GTPBP6: variants seen among roughly 807,000 people sequenced by gnomAD.
GTPBP6 encodes putative GTP-binding protein 6.
In GTPBP6, 33 loss-of-function variants were observed where a neutral mutation model predicts 28.9. The ratio of observed to expected loss-of-function variants is 1.14; its 90% CI spans 0.87 to 1.53. GTPBP6 has a LOEUF of 1.53. Among genes scored for constraint, GTPBP6 ranks in the 40% most tolerant of loss-of-function variants. The probability of loss-of-function intolerance (pLI) is 0.00; values close to 1 mark genes in which losing one functional copy is unlikely to be tolerated. For synonymous variants in GTPBP6, 231 were observed against 192.7 expected, an observed-to-expected ratio of 1.20 and a Z score of -1.65; for missense variants, 507 against 408.3, an observed-to-expected ratio of 1.24 and a Z score of -2.08.
intron 3 of GTPBP6, 50 bp downstream of exon 3, chrX:315,179 T>C (rs1332455128): frequency 4.1e-4 from 26 of 63,520 alleles, no homozygotes; most frequent in Middle Eastern, 3.9e-3. Flanking sequence ...GTCCCCTCCT[T>C]CATCGCGTGG....
chrX:318,275 C>G (rs1433847779), intron 1 of GTPBP6, among the ~76,000 whole-genome samples, 164 bp downstream of exon 1: 2 of 150,562 alleles, frequency 1.3e-5, no homozygotes, highest in African/African-American at 4.9e-5. Context: ...TGCGCCTCCA[C>G]CTATGAGATT....
At chrX:313,391 G>A (rs938902555) in intron 5 of GTPBP6, among the ~76,000 whole-genome samples, 13 of 152,176 alleles carry the variant, frequency 8.5e-5, no homozygotes, top group African/African-American at 1.9e-4. Context: ...AGCAGAGACC[G>A]GAGTGACGAG....
chrX:309,535 A>G (rs1279948625), intron 7 of GTPBP6, among the ~76,000 whole-genome samples: 3 of 152,178 alleles, frequency 2.0e-5, no homozygotes, highest in Non-Finnish European at 4.4e-5. Flanking sequence ...GTTTTTGCAG[A>G]TGTAGTTAAG....
At chrX:315,240 C>T (rs1443447396) in exon 3 of GTPBP6, 11 of 398,512 alleles carry the variant, frequency 2.8e-5, no homozygotes, top group African/African-American at 4.1e-5. Context: ...TTGGTCGGGG[C>T]AGCCATCCTC....
In GTPBP6 at chrX:311,276, T is replaced by C. The variant is rs866521235; in HGVS notation, c.1125+143A>G. 3,332 of 294,594 alleles carry C rather than the reference T, an allele frequency of 0.011. 285 individuals are homozygous for C. The African/African-American group carries it at 0.12, about 11-fold the overall frequency. 18.2% of individuals were successfully genotyped at this position (294,594 alleles called of 1,614,324 possible). A position where few individuals can be genotyped will look rare whatever the true frequency, so the allele number is the denominator to read the frequency against. Reference sequence around the variant, plus strand: ...AGTGGGTGTCCGAGGGCCTGGCCCCTGGGCTGAGTGGGTGTCCGAGGGCCC... The same window carrying C: ...AGTGGGTGTCCGAGGGCCTGGCCCCCGGGCTGAGTGGGTGTCCGAGGGCCC... On this transcript the variant is annotated intron_variant, in intron 7 of 9. Coordinates refer to ENST00000326153, the Ensembl canonical transcript of GTPBP6.
intron 7 of GTPBP6, among the ~76,000 whole-genome samples, chrX:309,683 A>G (rs967485655): frequency 6.6e-6 from 1 of 151,168 alleles, no homozygotes; most frequent in Non-Finnish European, 1.5e-5. Context: ...GGACGCCTGG[A>G]GCCCCCAGGA....
chrX:313,880 CCA>C (rs2070367284), intron 5 of GTPBP6, among the ~76,000 whole-genome samples: 1 of 151,880 alleles, frequency 6.6e-6, no homozygotes, highest in Non-Finnish European at 1.5e-5. Context: ...GTTTAAATCC[CCA>C]GTTTGTGGCT....
intron 7 of GTPBP6, among the ~76,000 whole-genome samples, chrX:309,451 C>G (rs773143825): frequency 2.4e-4 from 35 of 147,940 alleles, no homozygotes; most frequent in African/African-American, 8.4e-4. Flanking sequence ...CAACGACCGA[C>G]CGGTATGTTT....
intron 2 of GTPBP6, among the ~76,000 whole-genome samples, chrX:315,572 ACACACAC>A (rs2070416306): frequency 6.6e-6 from 1 of 150,550 alleles, no homozygotes; most frequent in African/African-American, 2.4e-5. Flanking sequence ...ACACACACAC[ACACACAC>A]ACACACAGTA....
At chrX:307,191 T>C (rs1382168735) in intron 9 of GTPBP6, among the ~76,000 whole-genome samples, 169 bp downstream of exon 9, 2 of 144,642 alleles carry the variant, frequency 1.4e-5, no homozygotes, top group Non-Finnish European at 2.9e-5. Flanking sequence ...GCACCTCTTG[T>C]ATGCACAGTC....
intron 4 of GTPBP6, among the ~76,000 whole-genome samples, chrX:314,574 G>A (rs1006670143): frequency 1.1e-4 from 17 of 151,894 alleles, no homozygotes; most frequent in Non-Finnish European, 1.8e-4. Flanking sequence ...TGGGGTTCAC[G>A]CCATTCTCCT....
intron 9 of GTPBP6, 100 bp from the exon 10 acceptor site, chrX:305,297 A>T: frequency 2.2e-6 from 2 of 903,836 alleles, no homozygotes; most frequent in Non-Finnish European, 3.6e-6. Context: ...AGCTCAAACC[A>T]TTCATCAGAC....
chrX:317,110 C>G (rs2070452755), intron 1 of GTPBP6, 59 bp from the exon 2 acceptor site: 2 of 361,578 alleles, frequency 5.5e-6, no homozygotes, highest in Non-Finnish European at 9.1e-6. Flanking sequence ...CCGTCCACAC[C>G]TGCCCGGGGA....
Position 305,319 on chromosome X carries a change from C to CT in GTPBP6, c.1428-123dup, listed in dbSNP as rs368320582. 2.2e-3 allele frequency: 1,613 copies of CT among 734,798 alleles called. 21 individuals carry two copies. The African/African-American group carries it at 0.027, about 12-fold the overall frequency. 45.5% of individuals were successfully genotyped at this position (734,798 alleles called of 1,614,324 possible). On this transcript the variant is annotated intron_variant, in intron 9 of 9. Coordinates refer to ENST00000326153, the Ensembl canonical transcript of GTPBP6. ...ACCATTCATCAGACCGTCCTGTTTCCTTTTGTTTTTTTTTTTTTTTGAGAC... is the reference window on the plus strand; with the variant it reads ...ACCATTCATCAGACCGTCCTGTTTCCTTTTTGTTTTTTTTTTTTTTTGAGAC...
chrX:314,666 C>CG (rs1250989216), intron 4 of GTPBP6, among the ~76,000 whole-genome samples: 4 of 151,978 alleles, frequency 2.6e-5, no homozygotes, highest in African/African-American at 9.7e-5. Flanking sequence ...TTAGTACAGA[C>CG]GGGGTTTCAC....
At chrX:306,094 T>C (rs1455193356) in intron 9 of GTPBP6, among the ~76,000 whole-genome samples, 1 of 152,250 alleles carries the variant, frequency 6.6e-6, no homozygotes, top group Non-Finnish European at 1.5e-5. Flanking sequence ...TAGGGAGACC[T>C]GTACCCCTTG....
chrX:314,418 G>T (rs762307452), intron 4 of GTPBP6, among the ~76,000 whole-genome samples: 1 of 152,144 alleles, frequency 6.6e-6, no homozygotes, highest in Non-Finnish European at 1.5e-5. Flanking sequence ...GTGGGGAGCC[G>T]GGGGCAGGCA....
intron 7 of GTPBP6, among the ~76,000 whole-genome samples, chrX:309,770 GCC>G (rs1394333168): frequency 7.8e-6 from 1 of 128,006 alleles, no homozygotes; most frequent in Non-Finnish European, 1.6e-5. Context: ...CTGAACTGTG[GCC>G]CCCCACAAAA....
chrX:314,320 G>A lies in GTPBP6; in HGVS notation c.690-103C>T, dbSNP rs183427012. ...GGGCACTGAGCTGGGCCTCTGGGCC[G>A]AAGGGAGGAGCCGCTGTTGCGGCCC... On this transcript the variant is annotated intron_variant, in intron 4 of 9. Transcript: ENST00000326153. The A allele has an allele frequency of 1.1e-3, 1,020 of 939,394 alleles. 4 individuals are homozygous for A. The highest frequency in any genetic ancestry group is 1.5e-3 in the South Asian group (112 of 74,612). 58.2% of individuals were successfully genotyped at this position (939,394 alleles called of 1,614,324 possible). A position where few individuals can be genotyped will look rare whatever the true frequency, so the allele number is the denominator to read the frequency against.
Sources: allele counts gnomAD v4.1 joint callset (sites outside exome capture counted in the v4.1 genomes callset), GRCh38; gene constraint gnomAD v4.1.1; transcripts MANE v1.5; gene names NCBI Gene and HGNC (gene_info 2026-07-23, HGNC 2026-07-21).